The following KALRN variants were observed in gnomAD, a reference collection of about 807,000 sequenced individuals.
The protein encoded by KALRN is kalirin RhoGEF kinase, also known as kalirin.
KALRN carries 70 observed loss-of-function variants against 353.7 expected under a neutral mutation model. The observed-to-expected ratio is 0.20, with a 90% CI of 0.16 to 0.24. The LOEUF (loss-of-function observed/expected upper bound fraction) is 0.24. Among genes scored for constraint, KALRN ranks in the 10% least tolerant of loss-of-function variants. KALRN has a pLI of 1.00. For synonymous variants in KALRN, 1,391 were observed against 1,434.8 expected, an observed-to-expected ratio of 0.97 and a Z score of 0.69; for missense variants, 2,791 against 3,756.7, an observed-to-expected ratio of 0.74 and a Z score of 6.72.
chr3:124,592,788 A>G (rs1019329295), intron 34 of KALRN, among the ~76,000 whole-genome samples: 3 of 152,242 alleles, frequency 2.0e-5, no homozygotes, highest in Non-Finnish European at 4.4e-5. Context: ...TCTTGGCAGA[A>G]CTGTGTTACA....
chr3:124,346,827 G>A (rs2149550291), intron 9 of KALRN, among the ~76,000 whole-genome samples: 1 of 152,344 alleles, frequency 6.6e-6, no homozygotes, highest in East Asian at 1.9e-4. Flanking sequence ...TAGAAGTGGT[G>A]AGGGGGTTAA....
intron 51 of KALRN, chr3:124,679,724 A>T (rs821365): frequency 0.68 from 428,720 of 632,828 alleles, 149,371 homozygotes; most frequent in African/African-American, 0.93. Flanking sequence ...AGATTTTTTT[A>T]AAAAACAAAA....
intron 10 of KALRN, among the ~76,000 whole-genome samples, chr3:124,371,605 T>C (rs949674579): frequency 6.6e-6 from 1 of 152,156 alleles, no homozygotes; most frequent in Non-Finnish European, 1.5e-5. Flanking sequence ...GCAAAACAAA[T>C]GTTTCTGCTT....
chr3:124,064,211 G>A (rs976324146), intron 1 of KALRN, among the ~76,000 whole-genome samples: 1 of 152,080 alleles, frequency 6.6e-6, no homozygotes, highest in Non-Finnish European at 1.5e-5. Flanking sequence ...GGTCACCACT[G>A]GATGCTAAGG....
chr3:124,034,856 A>G (rs2039264309), intron 1 of KALRN, among the ~76,000 whole-genome samples: 1 of 152,032 alleles, frequency 6.6e-6, no homozygotes, highest in Non-Finnish European at 1.5e-5. Context: ...TCCCTTCTGG[A>G]AAGTTGGATT....
intron 10 of KALRN, among the ~76,000 whole-genome samples, chr3:124,371,983 C>G (rs1006100430): frequency 1.3e-5 from 2 of 152,264 alleles, no homozygotes. Context: ...CATCTACTCT[C>G]TATGTCCCTG....
At chr3:124,466,289 T>C (rs2060339179) in intron 25 of KALRN, among the ~76,000 whole-genome samples, 1 of 152,156 alleles carries the variant, frequency 6.6e-6, no homozygotes, top group African/African-American at 2.4e-5. Flanking sequence ...CCTACAGAAA[T>C]AACTATATAA....
At chr3:124,041,207 C>A (rs146593997) in intron 1 of KALRN, among the ~76,000 whole-genome samples, 22 of 152,200 alleles carry the variant, frequency 1.4e-4, no homozygotes, top group Middle Eastern at 3.4e-3. Flanking sequence ...GACAATAGAG[C>A]AGGAGGTAAA....
chr3:124,252,696 A>T, intron 3 of KALRN, among the ~76,000 whole-genome samples: 1 of 152,140 alleles, frequency 6.6e-6, no homozygotes, highest in Non-Finnish European at 1.5e-5. Context: ...AACAACAAAA[A>T]CCTCTGGATG....
chr3:124,082,340 G>C (rs185832559), intron 1 of KALRN: 7 of 470,556 alleles, frequency 1.5e-5, no homozygotes, highest in Non-Finnish European at 3.1e-5. Context: ...ACTGTAAGTA[G>C]AAATTCTGTT....
At chr3:124,198,406 T>C (rs2075646104) in intron 1 of KALRN, among the ~76,000 whole-genome samples, 1 of 152,238 alleles carries the variant, frequency 6.6e-6, no homozygotes, top group Admixed American at 6.5e-5. Context: ...GCGTGTCAAG[T>C]CCTTTGCCTT....
At chr3:124,339,043 T>G (rs114138421) in intron 9 of KALRN, among the ~76,000 whole-genome samples, 1,785 of 152,314 alleles carry the variant, frequency 0.012, 11 homozygotes, top group Middle Eastern at 0.02. Flanking sequence ...GGGAATGAGG[T>G]GGAGCCTATA....
At chr3:124,139,309 G>A (rs1259073926) in intron 1 of KALRN, among the ~76,000 whole-genome samples, 1 of 151,998 alleles carries the variant, frequency 6.6e-6, no homozygotes, top group Admixed American at 6.6e-5. Flanking sequence ...TCAAAGTTTG[G>A]GTGTATATGT....
chr3:124,606,796 C>A (rs1292536979), intron 34 of KALRN, among the ~76,000 whole-genome samples: 7 of 152,040 alleles, frequency 4.6e-5, no homozygotes, highest in Non-Finnish European at 8.8e-5. Context: ...AGCTAATTAA[C>A]CCAATATTTT....
chr3:124,592,309 C>CAAAAAAAAAAAAAAAAAAAAAAAAA, intron 34 of KALRN, among the ~76,000 whole-genome samples: 1 of 120,648 alleles, frequency 8.3e-6, no homozygotes, highest in African/African-American at 3.1e-5. Context: ...CTCAAAGAAA[C>CAAAAAAAAAAAAAAAAAAAAAAAAA]AAAAAAAAAA....
At chr3:124,652,744 AT>A (rs1484243492) in intron 38 of KALRN, among the ~76,000 whole-genome samples, 1 of 151,808 alleles carries the variant, frequency 6.6e-6, no homozygotes, top group East Asian at 1.9e-4. Context: ...CATCTGGCTA[AT>A]TTTTTGTATT....
intron 33 of KALRN, among the ~76,000 whole-genome samples, chr3:124,520,138 AG>A (rs1298915131): frequency 6.6e-6 from 1 of 151,820 alleles, no homozygotes; most frequent in African/African-American, 2.4e-5. Context: ...AAGGCAGAGG[AG>A]GGGGCAGGGC....
chr3:124,719,516 C>A lies in KALRN; in HGVS notation c.*46C>A. 1 of 1,512,904 alleles carries A rather than the reference C, an allele frequency of 6.6e-7. No homozygotes were observed. The allele number at this position is 1,512,904 out of a possible 1,614,324, so 93.7% of individuals were successfully genotyped here. The stretch of plus-strand genomic sequence containing the variant: ...TTTCACATAGACGTGCAGTGTGAAC[C>A]AAAGCAAGACTGAATGTGACTGTAA... On this transcript the variant is annotated 3_prime_UTR_variant, in exon 60 of 60. Coordinates refer to ENST00000682506, the MANE Select transcript of KALRN (RefSeq NM_001388419.1). The surrounding 1 kb of genome is among the most constrained non-coding windows in gnomAD (Gnocchi z 5.3).
At chr3:124,080,074 T>A in intron 1 of KALRN, 2 of 471,280 alleles carry the variant, frequency 4.2e-6, no homozygotes, top group South Asian at 3.1e-5. Context: ...ATCCAACCCA[T>A]TGTTCCAGAC....
Sources: allele counts gnomAD v4.1 joint callset (sites outside exome capture counted in the v4.1 genomes callset), GRCh38; gene constraint gnomAD v4.1.1; non-coding constraint Gnocchi (gnomAD v3.1); transcripts MANE v1.5; gene names NCBI Gene and HGNC (gene_info 2026-07-23, HGNC 2026-07-21).